Variants in OR7D4 observed in about 807,000 individuals in gnomAD.
OR7D4 encodes olfactory receptor 7D4.
For missense variants in OR7D4, 319 were observed against 377.1 expected (o/e 0.85, Z 1.27); for synonymous variants, 154 against 158.4 (o/e 0.97, Z 0.21).
At chr19:9,216,155 C>A (rs1192794385) in intron 1 of OR7D4, among the ~76,000 whole-genome samples, 1 of 152,206 alleles carries the variant, frequency 6.6e-6, no homozygotes, top group Non-Finnish European at 1.5e-5. Flanking sequence ...CTGGGTCCCT[C>A]CCATTACACA....
intron 1 of OR7D4, among the ~76,000 whole-genome samples, chr19:9,218,926 G>A (rs185303468): frequency 5.2e-4 from 79 of 151,524 alleles, no homozygotes; most frequent in African/African-American, 1.6e-3. Context: ...GAGCCACTAC[G>A]TTCAGCCAAG....
At chr19:9,214,884 G>A in intron 1 of OR7D4, 34 bp from the exon 2 acceptor site, 1 of 1,161,178 alleles carries the variant, frequency 8.6e-7, no homozygotes, top group Non-Finnish European at 1.2e-6. Flanking sequence ...AACGTTTAAT[G>A]AACAGCAAGT....
Position 9,212,550 on chromosome 19 carries a change from C to T in OR7D4, c.*1349G>A, listed in dbSNP as rs372238640. 3 of 152,266 alleles carry T rather than the reference C, an allele frequency of 2.0e-5. No individual in the cohort carries two copies. The highest frequency in any genetic ancestry group is 1.9e-4 in the East Asian group (1 of 5,182). 9.4% of individuals were successfully genotyped at this position (152,266 alleles called of 1,614,324 possible). A position where few individuals can be genotyped will look rare whatever the true frequency, so the allele number is the denominator to read the frequency against. Reference sequence around the variant, plus strand: ...GAACAAGATTGGCCCTGCCTAACATCACCTGTAGTGAGACACCTAAGGGGT... The same window carrying T: ...GAACAAGATTGGCCCTGCCTAACATTACCTGTAGTGAGACACCTAAGGGGT... On this transcript the variant is annotated 3_prime_UTR_variant, in exon 2 of 2. Transcript: ENST00000641669.
chr19:9,218,010 A>G (rs1017350553), intron 1 of OR7D4, among the ~76,000 whole-genome samples: 13 of 152,178 alleles, frequency 8.5e-5, no homozygotes, highest in Non-Finnish European at 1.8e-4. Flanking sequence ...GATGACTAGA[A>G]ATAGAACATC....
Position 9,213,601 on chromosome 19 carries a change from G to A in OR7D4, c.*298C>T. On this transcript the variant is annotated 3_prime_UTR_variant, in exon 2 of 2. Transcript: ENST00000641669. ...AAAAATACAAAAATTAGCTGGCTGT[G>A]GTGGCACACACCTGTAATCTCAGCT... 1 of 320,766 alleles carries A rather than the reference G, an allele frequency of 3.1e-6. No individual in the cohort carries two copies. The highest frequency in any genetic ancestry group is 5.8e-6 in the Non-Finnish European group (1 of 171,438). 19.9% of individuals were successfully genotyped at this position (320,766 alleles called of 1,614,324 possible).
chr19:9,211,250 G>T lies in OR7D4; in HGVS notation c.*2649C>A, dbSNP rs1304109393. 2.6e-5 allele frequency: 4 copies of T among 152,372 alleles called. No individual in the cohort carries two copies. The highest frequency in any genetic ancestry group is 2.0e-4 in the Admixed American group (3 of 15,304). 9.4% of individuals were successfully genotyped at this position (152,372 alleles called of 1,614,324 possible). ...AAACCCTACAAACAGCCATGTGAGT[G>T]AGCTTCACAGCAGATCCTCTCCAGT... On this transcript the variant is annotated 3_prime_UTR_variant, in exon 2 of 2. Transcript: ENST00000641669.
At position 9,219,447 on chromosome 19, in the gene OR7D4, A is replaced by C. The variant is rs758775640; in HGVS notation, c.-261T>G. On this transcript the variant is annotated 5_prime_UTR_variant, in exon 1 of 2. Transcript: ENST00000641669. ...CCTTCATAGACTCAATAAGTATGGGACTTTCCAGGCTCATTACTGTGAAGG... is the reference window on the plus strand; with the variant it reads ...CCTTCATAGACTCAATAAGTATGGGCCTTTCCAGGCTCATTACTGTGAAGG... The C allele has an allele frequency of 5.3e-5, 8 of 152,158 alleles. No individual in the cohort carries two copies. The highest frequency in any genetic ancestry group is 1.2e-4 in the Non-Finnish European group (8 of 68,046). 9.4% of individuals were successfully genotyped at this position (152,158 alleles called of 1,614,324 possible).
chr19:9,218,885 C>T lies in OR7D4; in HGVS notation c.-14+315G>A, dbSNP rs142731300. On this transcript the variant is annotated intron_variant, in intron 1 of 1. Transcript: ENST00000641669. ...CTGGCCTCAAGTGATCTGCCCGCCT[C>T]GGCCTCCCAAAGTGCTGGGATTATA... 9.6e-3 allele frequency among the ~76,000 whole-genome samples: 1,465 copies of T among 152,136 alleles called. 8 individuals are homozygous for T. The highest frequency in any genetic ancestry group is 0.021 in the African/African-American group (863 of 41,504).
chr19:9,215,257 C>A (rs550919061), intron 1 of OR7D4, among the ~76,000 whole-genome samples: 73 of 146,170 alleles, frequency 5.0e-4, no homozygotes, highest in African/African-American at 1.7e-3. Context: ...GCAGGAGAAT[C>A]GCTTGAACCC....
In OR7D4 at chr19:9,214,042, G is replaced by A; in HGVS notation, c.796C>T (p.His266Tyr). The change falls in exon 2 of 2, where the codon CAT becomes TAT. Residue 266 changes from histidine to tyrosine, a missense_variant. By Grantham distance (83) the His-to-Tyr change is moderately conservative. Coordinates refer to ENST00000641669, the MANE Select transcript of OR7D4 (RefSeq NM_001005191.3). ...LGVYLSSAVT[H>Y]SSQSSSTASV... ...GCGGTGGAGCTGCTCTGGGAAGAATGGGTCACAGCAGAACTCAGATAGACC... is the reference window on the plus strand; with the variant it reads ...GCGGTGGAGCTGCTCTGGGAAGAATAGGTCACAGCAGAACTCAGATAGACC... The A allele has an allele frequency of 6.2e-7, 1 of 1,614,086 alleles. No individual in the cohort carries two copies. The highest frequency in any genetic ancestry group is 8.5e-7 in the Non-Finnish European group (1 of 1,180,014).
intron 1 of OR7D4, among the ~76,000 whole-genome samples, chr19:9,217,143 C>G (rs1168301260): frequency 6.6e-6 from 1 of 152,044 alleles, no homozygotes. Context: ...ACTACATACA[C>G]AAGATGAGAA....
At position 9,214,022 on chromosome 19, in the gene OR7D4, G is replaced by T; in HGVS notation, c.816C>A (p.Ser272=). ...SAVTHSSQSS[S]TASVMYAMVT... ...CCATGGCGTACATCACTGAGGCGGT[G>T]GAGCTGCTCTGGGAAGAATGGGTCA... The change falls in exon 2 of 2, where the codon TCC becomes TCA. Residue 272 remains serine, a synonymous_variant. Transcript: ENST00000641669. 6.2e-7 allele frequency: 1 copy of T among 1,614,104 alleles called. No homozygotes were observed. The highest frequency in any genetic ancestry group is 8.5e-7 in the Non-Finnish European group (1 of 1,180,002).
rs1239420347 is a variant in OR7D4 at position 9,212,458 on chromosome 19, T to G, written c.*1441A>C. 6.6e-6 allele frequency: 1 copy of G among 152,180 alleles called. No individual in the cohort carries two copies. The highest frequency in any genetic ancestry group is 1.5e-5 in the Non-Finnish European group (1 of 68,036). The allele number at this position is 152,180 out of a possible 1,614,324, so 9.4% of individuals were successfully genotyped here. ...CAAATCAGTGAAAAATGATAATATC[T>G]TTTGATACCATCAAAATGATAATAT... On this transcript the variant is annotated 3_prime_UTR_variant, in exon 2 of 2. Transcript: ENST00000641669.
At position 9,213,704 on chromosome 19, in the gene OR7D4, C is replaced by T. The variant is rs113745336; in HGVS notation, c.*195G>A. On this transcript the variant is annotated 3_prime_UTR_variant, in exon 2 of 2. Coordinates refer to ENST00000641669, the MANE Select transcript of OR7D4 (RefSeq NM_001005191.3). Reference sequence around the variant, plus strand: ...AGTGAGCCAAGATTGCACCACTGCACTCTAGCCTGGGCGACAGAGCCAGAC... The same window carrying T: ...AGTGAGCCAAGATTGCACCACTGCATTCTAGCCTGGGCGACAGAGCCAGAC... The T allele has an allele frequency of 0.012, 7,143 of 571,628 alleles. 375 individuals are homozygous for T. Among genetic ancestry groups the T allele is most frequent in the African/African-American group, 0.12 (6,517 of 53,322 alleles). The allele number at this position is 571,628 out of a possible 1,614,324, so 35.4% of individuals were successfully genotyped here. A position where few individuals can be genotyped will look rare whatever the true frequency, so the allele number is the denominator to read the frequency against.
chr19:9,210,486 G>A lies in OR7D4; in HGVS notation c.*3413C>T, dbSNP rs1313382383. ...TAAATTACCTGGACATGGTGGCGCA[G>A]GAGGATTACTTGAGGCCAGGAATTC... is the stretch of plus-strand genomic sequence containing the variant. On this transcript the variant is annotated 3_prime_UTR_variant, in exon 2 of 2. Coordinates refer to ENST00000641669, the MANE Select transcript of OR7D4 (RefSeq NM_001005191.3). 1 of 152,332 alleles carries A rather than the reference G, an allele frequency of 6.6e-6. No individual in the cohort carries two copies. The highest frequency in any genetic ancestry group is 1.5e-5 in the Non-Finnish European group (1 of 68,194). 9.4% of individuals were successfully genotyped at this position (152,332 alleles called of 1,614,324 possible). A position where few individuals can be genotyped will look rare whatever the true frequency, so the allele number is the denominator to read the frequency against.
rs1242524718 is a variant in OR7D4 at position 9,212,933 on chromosome 19, T to C, written c.*966A>G. ...GTGCCCCGAAAATTTTATATCACTG[T>C]TTTTATGGAAAGTAGGATGGCAAAG... On this transcript the variant is annotated 3_prime_UTR_variant, in exon 2 of 2. Transcript: ENST00000641669. 2.6e-5 allele frequency: 4 copies of C among 152,128 alleles called. No individual in the cohort carries two copies. The highest frequency in any genetic ancestry group is 9.7e-5 in the African/African-American group (4 of 41,428). 9.4% of individuals were successfully genotyped at this position (152,128 alleles called of 1,614,324 possible). A position where few individuals can be genotyped will look rare whatever the true frequency, so the allele number is the denominator to read the frequency against.
chr19:9,210,288 G>A lies in OR7D4; in HGVS notation c.*3611C>T, dbSNP rs192597315. On this transcript the variant is annotated 3_prime_UTR_variant, in exon 2 of 2. Coordinates refer to ENST00000641669, the MANE Select transcript of OR7D4 (RefSeq NM_001005191.3). ...TTGAGTACCTCACCTCTGAGCCATG[G>A]GTGGAATGTGAAAGTTTATAAAGAA... The A allele has an allele frequency of 5.3e-5, 8 of 152,082 alleles. No individual in the cohort carries two copies. Among genetic ancestry groups the A allele is most frequent in the African/African-American group, 1.4e-4 (6 of 41,484 alleles). The allele number at this position is 152,082 out of a possible 1,614,324, so 9.4% of individuals were successfully genotyped here. A position where few individuals can be genotyped will look rare whatever the true frequency, so the allele number is the denominator to read the frequency against.
Position 9,213,417 on chromosome 19 carries a change from T to G in OR7D4, c.*482A>C, listed in dbSNP as rs2051184940. ...ACAAAAACAAAAGCAAAATCATAGTTGTTTTTGATTAAAAAAAAAAAGAAA... is the reference window on the plus strand; with the variant it reads ...ACAAAAACAAAAGCAAAATCATAGTGGTTTTTGATTAAAAAAAAAAAGAAA... On this transcript the variant is annotated 3_prime_UTR_variant, in exon 2 of 2. Coordinates refer to ENST00000641669, the MANE Select transcript of OR7D4 (RefSeq NM_001005191.3). The G allele has an allele frequency of 6.6e-6, 1 of 151,558 alleles. No homozygotes were observed. Among genetic ancestry groups the G allele is most frequent in the Admixed American group, 6.5e-5 (1 of 15,306 alleles). 9.4% of individuals were successfully genotyped at this position (151,558 alleles called of 1,614,324 possible). A position where few individuals can be genotyped will look rare whatever the true frequency, so the allele number is the denominator to read the frequency against.
chr19:9,215,127 G>A (rs931509683), intron 1 of OR7D4, among the ~76,000 whole-genome samples: 1 of 151,990 alleles, frequency 6.6e-6, no homozygotes, highest in Non-Finnish European at 1.5e-5. Context: ...GGCAGATCAC[G>A]AGGTCAAGAG....
Sources: gnomAD v4.1 joint callset for allele counts (sites outside exome capture counted in the v4.1 genomes callset) on GRCh38, gnomAD v4.1.1 for gene constraint, MANE v1.5 for transcripts, NCBI Gene and HGNC (gene_info 2026-07-23, HGNC 2026-07-21) for gene names.